The following COL26A1 variants were observed in gnomAD, a reference collection of about 807,000 sequenced individuals.
COL26A1 encodes collagen type XXVI alpha 1 chain, also known as collagen alpha-1(XXVI) chain.
In COL26A1, 41 loss-of-function variants were observed where a neutral mutation model predicts 59.3. That is an observed-to-expected ratio of 0.69 (90% CI 0.54 to 0.90). The LOEUF is 0.90. COL26A1 is among the 40% of genes least tolerant of loss of function. The pLI, the probability that COL26A1 is intolerant of heterozygous loss-of-function variation, is 0.00. For missense variants in COL26A1, 612 were observed against 602.3 expected (o/e 1.02, Z -0.17); for synonymous variants, 266 against 256.0 (o/e 1.04, Z -0.37).
chr7:101,531,778 T>G (rs889069456), intron 3 of COL26A1, among the ~76,000 whole-genome samples: 27 of 149,980 alleles, frequency 1.8e-4, no homozygotes, highest in African/African-American at 6.6e-4. Context: ...TGTTTTTTGT[T>G]TTTTTTTTTA....
At chr7:101,508,951 G>T (rs570805165) in intron 3 of COL26A1, among the ~76,000 whole-genome samples, 2 of 152,306 alleles carry the variant, frequency 1.3e-5, no homozygotes, top group East Asian at 1.9e-4. Flanking sequence ...GCTGCAGTGA[G>T]CTATGATCGT....
chr7:101,438,254 G>A (rs982872557), intron 2 of COL26A1, among the ~76,000 whole-genome samples: 1 of 151,412 alleles, frequency 6.6e-6, no homozygotes, highest in Non-Finnish European at 1.5e-5. Flanking sequence ...CTAGCTACTC[G>A]GGAGACTGAG....
chr7:101,435,430 G>C (rs1396478571), intron 2 of COL26A1, among the ~76,000 whole-genome samples: 1 of 151,956 alleles, frequency 6.6e-6, no homozygotes, highest in Non-Finnish European at 1.5e-5. Flanking sequence ...GGCTGGACTG[G>C]ACTGGGTGAC....
chr7:101,477,010 A>C (rs1271119103), intron 3 of COL26A1, among the ~76,000 whole-genome samples: 2 of 151,294 alleles, frequency 1.3e-5, no homozygotes, highest in African/African-American at 4.9e-5. Flanking sequence ...CGCCCGGCTA[A>C]GTTTTGTATT....
chr7:101,469,963 C>T (rs1793854755), intron 3 of COL26A1, among the ~76,000 whole-genome samples: 2 of 152,146 alleles, frequency 1.3e-5, no homozygotes, highest in South Asian at 4.2e-4. Flanking sequence ...ACTCAAGATT[C>T]GTTGTCTCAC....
intron 10 of COL26A1, among the ~76,000 whole-genome samples, chr7:101,551,841 G>T (rs983280322): frequency 1.3e-5 from 2 of 152,186 alleles, no homozygotes; most frequent in Non-Finnish European, 2.9e-5. Context: ...AGGGGTGTGG[G>T]GCGGGGAGGA....
At chr7:101,387,776 A>ATTTTTTTTTTTTTTTTTTTT (rs1445116473) in intron 1 of COL26A1, among the ~76,000 whole-genome samples, 21 of 84,754 alleles carry the variant, frequency 2.5e-4, no homozygotes, top group Non-Finnish European at 4.0e-4. Context: ...ATATATATAT[A>ATTTTTTTTTTTTTTTTTTTT]TATTTTTTTT....
intron 1 of COL26A1, chr7:101,388,922 C>A: frequency 4.7e-6 from 1 of 214,116 alleles, no homozygotes. Context: ...TGTACATTGC[C>A]TTTCTGGAAC....
rs1404360506 is a variant in COL26A1, at chr7:101,419,072, C to A, written c.159-905C>A. 1.9e-4 allele frequency among the ~76,000 whole-genome samples: 13 copies of A among 69,696 alleles called. 1 individual carries two copies. The highest frequency in any genetic ancestry group is 8.0e-4 in the African/African-American group (12 of 15,038). The allele number at this position is 69,696 out of a possible 152,430, so 45.7% of individuals were successfully genotyped here. A position where few individuals can be genotyped will look rare whatever the true frequency, so the allele number is the denominator to read the frequency against. On this transcript the variant is annotated intron_variant, in intron 1 of 12. Transcript: ENST00000313669. Reference sequence around the variant, plus strand: ...CTTCTCTCTCTCTTTCTCTCTCATTCCTCCTCCCCTCCCCTCCCCTCCCCT... The same window carrying A: ...CTTCTCTCTCTCTTTCTCTCTCATTACTCCTCCCCTCCCCTCCCCTCCCCT...
intron 1 of COL26A1, among the ~76,000 whole-genome samples, chr7:101,395,649 T>C (rs1020405854): frequency 6.6e-6 from 1 of 152,180 alleles, no homozygotes; most frequent in African/African-American, 2.4e-5. Context: ...GAGTTGCAAT[T>C]CTTTTGCGGT....
At chr7:101,415,335 G>T (rs960235946) in intron 1 of COL26A1, among the ~76,000 whole-genome samples, 2 of 151,950 alleles carry the variant, frequency 1.3e-5, no homozygotes, top group African/African-American at 4.8e-5. Context: ...TGTATTTTTA[G>T]TAGAGACTGG....
intron 3 of COL26A1, among the ~76,000 whole-genome samples, chr7:101,465,733 G>A (rs1368652057): frequency 3.3e-5 from 5 of 151,636 alleles, no homozygotes; most frequent in African/African-American, 1.2e-4. Flanking sequence ...AGAAACAAAG[G>A]AAGTGCTCTC....
chr7:101,517,021 T>G (rs898137532), intron 3 of COL26A1, among the ~76,000 whole-genome samples: 25 of 152,102 alleles, frequency 1.6e-4, no homozygotes, highest in African/African-American at 4.8e-4. Flanking sequence ...CGGATTACCA[T>G]GGCAACTGCC....
At chr7:101,459,487 T>TTTTTTTTTTTTTTTTTC in intron 3 of COL26A1, among the ~76,000 whole-genome samples, 1 of 148,580 alleles carries the variant, frequency 6.7e-6, no homozygotes, top group African/African-American at 2.5e-5. Context: ...TTTTTGTATT[T>TTTTTTTTTTTTTTTTTC]TTAGTAGAGA....
chr7:101,420,480 G>A (rs573920442), intron 2 of COL26A1, among the ~76,000 whole-genome samples: 1 of 152,222 alleles, frequency 6.6e-6, no homozygotes, highest in East Asian at 1.9e-4. Flanking sequence ...AATCCAGCCT[G>A]TCTTTGGCCC....
chr7:101,498,737 TG>T, intron 3 of COL26A1, among the ~76,000 whole-genome samples: 1 of 152,160 alleles, frequency 6.6e-6, no homozygotes, highest in East Asian at 1.9e-4. Context: ...CTTCTAGACA[TG>T]TATGTTGCAG....
intron 1 of COL26A1, among the ~76,000 whole-genome samples, chr7:101,365,231 A>G (rs763598787): frequency 3.3e-5 from 5 of 152,208 alleles, no homozygotes; most frequent in Non-Finnish European, 7.3e-5. Context: ...CAAGCTTTTC[A>G]AGTTACAGAA....
chr7:101,372,288 C>T (rs914934950), intron 1 of COL26A1, among the ~76,000 whole-genome samples: 14 of 152,222 alleles, frequency 9.2e-5, no homozygotes, highest in African/African-American at 3.4e-4. Flanking sequence ...GCCCCAGCCT[C>T]CCAAGTAGCT....
At chr7:101,455,836 C>T (rs2130406473) in intron 3 of COL26A1, among the ~76,000 whole-genome samples, 1 of 151,974 alleles carries the variant, frequency 6.6e-6, no homozygotes, top group African/African-American at 2.4e-5. Flanking sequence ...GTGCACGCCA[C>T]CAGGCCTGGC....
Sources: gnomAD v4.1 joint callset for allele counts (sites outside exome capture counted in the v4.1 genomes callset) on GRCh38, gnomAD v4.1.1 for gene constraint, MANE v1.5 for transcripts, NCBI Gene and HGNC (gene_info 2026-07-23, HGNC 2026-07-21) for gene names.